Variants in ZNF704 observed in about 807,000 individuals in gnomAD.
ZNF704 encodes glucocorticoid induced gene 1.
Under a neutral mutation model 44.7 loss-of-function variants are expected in ZNF704, and 10 were observed. The observed-to-expected ratio is 0.22, with a 90% CI of 0.14 to 0.38. ZNF704 has a LOEUF of 0.38. Among genes scored for constraint, ZNF704 ranks in the 10% least tolerant of loss-of-function variants. The pLI is 1.00. For missense variants in ZNF704, 390 were observed against 545.5 expected, an observed-to-expected ratio of 0.71 and a Z score of 2.84; for synonymous variants, 211 against 207.6, an observed-to-expected ratio of 1.02 and a Z score of -0.14.
chr8:80,631,439 C>T lies in ZNF704; in HGVS notation c.*9927G>A, dbSNP rs1396706200. On this transcript the variant is annotated 3_prime_UTR_variant, in exon 9 of 9. Coordinates refer to ENST00000327835, the MANE Select transcript of ZNF704 (RefSeq NM_001033723.3). Reference sequence around the variant, plus strand: ...TATAACAATTATATGCTGCAGGAGCCACTTCCTTTTCACTTACTAAAGGCC... The same window carrying T: ...TATAACAATTATATGCTGCAGGAGCTACTTCCTTTTCACTTACTAAAGGCC... The T allele has an allele frequency of 6.6e-6, 1 of 152,194 alleles. No homozygotes were observed. Among genetic ancestry groups the T allele is most frequent in the East Asian group, 1.9e-4 (1 of 5,188 alleles). The allele number at this position is 152,194 out of a possible 1,614,324, so 9.4% of individuals were successfully genotyped here. A position where few individuals can be genotyped will look rare whatever the true frequency, so the allele number is the denominator to read the frequency against.
chr8:80,809,601 C>T (rs1808050988), intron 2 of ZNF704, among the ~76,000 whole-genome samples: 1 of 152,046 alleles, frequency 6.6e-6, no homozygotes, highest in East Asian at 1.9e-4. Context: ...GCAAAGCTCG[C>T]CTTGAGAAAT....
chr8:80,821,694 G>T, intron 1 of ZNF704, 79 bp from the exon 2 acceptor site: 1 of 1,011,084 alleles, frequency 9.9e-7, no homozygotes, highest in Non-Finnish European at 1.5e-6. Context: ...GGTGAGGAGA[G>T]ATTACAGACA....
chr8:80,664,183 G>A (rs1392978513), intron 6 of ZNF704, among the ~76,000 whole-genome samples: 10 of 150,470 alleles, frequency 6.6e-5, no homozygotes, highest in Middle Eastern at 3.6e-3. Context: ...TGCAACCTCC[G>A]TCTCTCGGGT....
At chr8:80,705,108 C>T (rs1199620159) in intron 2 of ZNF704, among the ~76,000 whole-genome samples, 1 of 152,192 alleles carries the variant, frequency 6.6e-6, no homozygotes, top group African/African-American at 2.4e-5. Context: ...AAAACTCCCA[C>T]ACATTTGGTG....
intron 2 of ZNF704, among the ~76,000 whole-genome samples, chr8:80,807,419 G>GT (rs1353156442): frequency 1.3e-5 from 2 of 152,116 alleles, no homozygotes; most frequent in African/African-American, 4.8e-5. Context: ...GTGAAAAGGT[G>GT]TTTTTAAATA....
intron 2 of ZNF704, among the ~76,000 whole-genome samples, chr8:80,743,315 C>T (rs1369038250): frequency 6.6e-6 from 1 of 150,708 alleles, no homozygotes; most frequent in African/African-American, 2.4e-5. Flanking sequence ...GGTTATTCAT[C>T]ACAACAATAT....
intron 2 of ZNF704, among the ~76,000 whole-genome samples, chr8:80,789,774 A>G (rs1437452985): frequency 2.0e-5 from 3 of 151,882 alleles, no homozygotes; most frequent in Non-Finnish European, 4.4e-5. Context: ...AAACCCCTAA[A>G]AATAACACAT....
chr8:80,791,268 C>T (rs149385326), intron 2 of ZNF704, among the ~76,000 whole-genome samples: 1 of 152,318 alleles, frequency 6.6e-6, no homozygotes, highest in African/African-American at 2.4e-5. Context: ...TGCTCATACT[C>T]TGCACTTGTG....
At chr8:80,730,045 C>A (rs1408922059) in intron 2 of ZNF704, among the ~76,000 whole-genome samples, 1 of 152,122 alleles carries the variant, frequency 6.6e-6, no homozygotes, top group South Asian at 2.1e-4. Flanking sequence ...AACACCAACA[C>A]CTATGCATAG....
chr8:80,776,103 C>T (rs540969081), intron 2 of ZNF704, among the ~76,000 whole-genome samples: 1 of 152,258 alleles, frequency 6.6e-6, no homozygotes, highest in Admixed American at 6.5e-5. Flanking sequence ...TCTAAGTAAT[C>T]CATTATTGCT....
intron 1 of ZNF704, among the ~76,000 whole-genome samples, chr8:80,825,226 G>A (rs1808350799): frequency 6.6e-6 from 1 of 152,042 alleles, no homozygotes; most frequent in Non-Finnish European, 1.5e-5. Flanking sequence ...AGGGATGGAG[G>A]AAGATCTACC....
chr8:80,705,097 G>A (rs917831115), intron 2 of ZNF704, among the ~76,000 whole-genome samples: 3 of 152,134 alleles, frequency 2.0e-5, no homozygotes, highest in African/African-American at 7.2e-5. Context: ...GATGTATGGG[G>A]AAAACTCCCA....
intron 3 of ZNF704, among the ~76,000 whole-genome samples, chr8:80,688,203 G>A (rs941899949): frequency 6.6e-6 from 1 of 150,910 alleles, no homozygotes; most frequent in African/African-American, 2.4e-5. Context: ...GCGAGATCCT[G>A]TTTCAGAAAA....
chr8:80,791,930 G>C (rs1298874503), intron 2 of ZNF704, among the ~76,000 whole-genome samples: 2 of 152,184 alleles, frequency 1.3e-5, no homozygotes, highest in Non-Finnish European at 2.9e-5. Flanking sequence ...TGAGTCTTGG[G>C]AATCAGCTCA....
In ZNF704 at chr8:80,733,972, AT is replaced by A. The variant is rs527281810; in HGVS notation, c.222-40866del. Among the ~76,000 whole-genome samples, 4 of 151,868 alleles carry A rather than the reference AT, an allele frequency of 2.6e-5. No homozygotes were observed. In the East Asian group the frequency reaches 5.8e-4, roughly 22 times the overall value. On this transcript the variant is annotated intron_variant, in intron 2 of 8. Coordinates refer to ENST00000327835, the MANE Select transcript of ZNF704 (RefSeq NM_001033723.3). The stretch of plus-strand genomic sequence containing the variant: ...CCTCAGAAAACAAAAGACGATATGC[AT>A]TTTTTTTGCTATGGATCTGATAGTA...
intron 2 of ZNF704, among the ~76,000 whole-genome samples, chr8:80,802,903 T>C (rs1203968929): frequency 6.6e-6 from 1 of 152,190 alleles, no homozygotes; most frequent in Non-Finnish European, 1.5e-5. Flanking sequence ...AAATTATCTT[T>C]GTTTACAGAT....
chr8:80,694,527 C>G (rs1383279071), intron 2 of ZNF704, among the ~76,000 whole-genome samples: 1 of 152,204 alleles, frequency 6.6e-6, no homozygotes, highest in South Asian at 2.1e-4. Context: ...TGAATTGTCA[C>G]TTTGACAAAT....
At chr8:80,650,846 C>A (rs1817906166) in intron 7 of ZNF704, among the ~76,000 whole-genome samples, 1 of 152,150 alleles carries the variant, frequency 6.6e-6, no homozygotes, top group African/African-American at 2.4e-5. Context: ...AGAAGAGCAA[C>A]TCCAAGACAC....
chr8:80,726,833 GCACACACA>G (rs60158512), intron 2 of ZNF704, among the ~76,000 whole-genome samples: 22 of 147,668 alleles, frequency 1.5e-4, no homozygotes, highest in African/African-American at 4.7e-4. Flanking sequence ...ACACACACAT[GCACACACA>G]CACACACACA....
Sources: allele counts gnomAD v4.1 joint callset (sites outside exome capture counted in the v4.1 genomes callset), GRCh38; gene constraint gnomAD v4.1.1; transcripts MANE v1.5; gene names NCBI Gene and HGNC (gene_info 2026-07-23, HGNC 2026-07-21).